SYT14: variants seen among roughly 807,000 people sequenced by gnomAD.
The protein encoded by SYT14 is synaptotagmin 14, also known as synaptotagmin-14.
In SYT14, 32 loss-of-function variants were observed where a neutral mutation model predicts 74.2. That is an observed-to-expected ratio of 0.43 (90% CI 0.33 to 0.58). SYT14 has a LOEUF of 0.58. Among genes scored for constraint, SYT14 ranks in the 20% least tolerant of loss-of-function variants. The pLI, the probability that SYT14 is intolerant of heterozygous loss-of-function variation, is 0.05. For missense variants in SYT14, 791 were observed against 981.8 expected, an observed-to-expected ratio of 0.81 and a Z score of 2.60; for synonymous variants, 298 against 337.7, an observed-to-expected ratio of 0.88 and a Z score of 1.29.
chr1:209,953,009 G>T, intron 2 of SYT14: 1 of 1,425,982 alleles, frequency 7.0e-7, no homozygotes, highest in South Asian at 1.2e-5. Flanking sequence ...TGTTAGACAT[G>T]GTGAAGAGGC....
intron 1 of SYT14, among the ~76,000 whole-genome samples, chr1:209,948,931 C>A (rs747526976): frequency 7.2e-5 from 11 of 152,098 alleles, no homozygotes; most frequent in Non-Finnish European, 1.5e-4. Flanking sequence ...TTAGTCTCTT[C>A]CCAAAGATAC....
At chr1:209,961,442 T>C (rs1343605280) in intron 2 of SYT14, among the ~76,000 whole-genome samples, 1 of 152,130 alleles carries the variant, frequency 6.6e-6, no homozygotes, top group African/African-American at 2.4e-5. Context: ...GAGTACATGA[T>C]TATGAAATAA....
intron 2 of SYT14, among the ~76,000 whole-genome samples, chr1:209,976,803 G>A (rs1390375602): frequency 1.3e-5 from 2 of 152,016 alleles, no homozygotes; most frequent in African/African-American, 2.4e-5. Flanking sequence ...TTGACAGTGG[G>A]GTGTTAAAGT....
chr1:210,008,367 T>TTC (rs2080026766), intron 2 of SYT14, among the ~76,000 whole-genome samples: 1 of 64,772 alleles, frequency 1.5e-5, no homozygotes. Flanking sequence ...TTAAATAGAA[T>TTC]TTTTTTTTTT....
intron 2 of SYT14, among the ~76,000 whole-genome samples, chr1:210,006,430 T>C (rs227214): frequency 0.11 from 16,883 of 151,924 alleles, 1,224 homozygotes; most frequent in Non-Finnish European, 0.15. Context: ...AAATAAATTA[T>C]AGCATTTTTC....
chr1:209,976,592 T>G (rs1243459786), intron 2 of SYT14, among the ~76,000 whole-genome samples: 1 of 151,556 alleles, frequency 6.6e-6, no homozygotes, highest in Non-Finnish European at 1.5e-5. Context: ...TTTCTGTTCT[T>G]TTACATTTGC....
At chr1:210,156,512 C>T (rs999618310) in intron 8 of SYT14, among the ~76,000 whole-genome samples, 1 of 152,036 alleles carries the variant, frequency 6.6e-6, no homozygotes, top group Admixed American at 6.6e-5. Flanking sequence ...AGCTAGATAG[C>T]ATACCTCTGC....
At chr1:209,958,887 T>A (rs1404418763) in intron 2 of SYT14, among the ~76,000 whole-genome samples, 1 of 152,160 alleles carries the variant, frequency 6.6e-6, no homozygotes, top group Non-Finnish European at 1.5e-5. Context: ...ACTGCTTGAC[T>A]AAGCATGATC....
chr1:210,153,896 A>G (rs569309856), intron 7 of SYT14, among the ~76,000 whole-genome samples: 4 of 152,282 alleles, frequency 2.6e-5, no homozygotes, highest in African/African-American at 9.6e-5. Flanking sequence ...GCTGATGTAT[A>G]TTTAGGATTT....
chr1:210,094,753 T>C (rs903167347), intron 6 of SYT14, among the ~76,000 whole-genome samples, 160 bp downstream of exon 5: 5 of 152,112 alleles, frequency 3.3e-5, no homozygotes, highest in South Asian at 2.1e-4. Context: ...AACAAACTTA[T>C]CAGGAATGTC....
intron 5 of SYT14, among the ~76,000 whole-genome samples, chr1:210,027,979 G>A (rs1411197039): frequency 6.6e-6 from 1 of 151,850 alleles, no homozygotes; most frequent in Non-Finnish European, 1.5e-5. Flanking sequence ...TCACATTGTT[G>A]TACAACCATC....
At chr1:210,040,516 A>T (rs1026552979) in intron 5 of SYT14, among the ~76,000 whole-genome samples, 5 of 145,142 alleles carry the variant, frequency 3.4e-5, no homozygotes, top group Admixed American at 6.9e-5. Flanking sequence ...AGTGTAATTT[A>T]AAAAAAAAAA....
chr1:210,155,932 T>A (rs375191996), intron 8 of SYT14, 22 bp downstream of exon 7: 62 of 1,612,256 alleles, frequency 3.8e-5, no homozygotes, highest in Middle Eastern at 1.7e-4. Flanking sequence ...ATAATTTTTT[T>A]AATTCTAATG....
In SYT14 at chr1:209,979,081, C is replaced by T. The variant is rs188471212; in HGVS notation, c.-486+26325C>T. On this transcript the variant is annotated intron_variant, in intron 2 of 9. Transcript: ENST00000637265. ...GCGCAGTATTAGGGTGGGAGTGACCCAATTTTCCGGGTGCCGTCTGTCACC... is the reference window on the plus strand; with the variant it reads ...GCGCAGTATTAGGGTGGGAGTGACCTAATTTTCCGGGTGCCGTCTGTCACC... Among the ~76,000 whole-genome samples the T allele has an allele frequency of 3.0e-4, 46 of 152,288 alleles. 1 individual carries two copies. The East Asian group carries it at 7.2e-3, about 24-fold the overall frequency.
At chr1:209,953,866 C>G (rs1422181498) in intron 2 of SYT14, among the ~76,000 whole-genome samples, 2 of 152,116 alleles carry the variant, frequency 1.3e-5, no homozygotes, top group Non-Finnish European at 2.9e-5. Flanking sequence ...CATGAAATCT[C>G]AAATTTAGGA....
chr1:210,134,021 C>T (rs1040297671), intron 7 of SYT14, among the ~76,000 whole-genome samples: 17 of 151,840 alleles, frequency 1.1e-4, no homozygotes, highest in African/African-American at 3.9e-4. Context: ...TAAGGGTTGG[C>T]ACATAGTTAC....
intron 2 of SYT14, among the ~76,000 whole-genome samples, chr1:209,961,055 A>C (rs571712980): frequency 6.6e-6 from 1 of 152,268 alleles, no homozygotes; most frequent in African/African-American, 2.4e-5. Flanking sequence ...GACAAATGGA[A>C]ATCCAGTTAG....
At chr1:210,042,661 G>T (rs535943277) in intron 5 of SYT14, among the ~76,000 whole-genome samples, 1 of 152,176 alleles carries the variant, frequency 6.6e-6, no homozygotes, top group African/African-American at 2.4e-5. Flanking sequence ...TCAAAGATCA[G>T]ATGGTTGTAG....
chr1:210,055,160 A>G (rs539196345), intron 5 of SYT14, among the ~76,000 whole-genome samples: 60 of 152,334 alleles, frequency 3.9e-4, no homozygotes, highest in Middle Eastern at 6.8e-3. Flanking sequence ...AGCTGTGGAA[A>G]AACTTAATTC....
Sources: gnomAD v4.1 joint callset for allele counts (sites outside exome capture counted in the v4.1 genomes callset) on GRCh38, gnomAD v4.1.1 for gene constraint, MANE v1.5 for transcripts, NCBI Gene and HGNC (gene_info 2026-07-23, HGNC 2026-07-21) for gene names.